Variants in EPHB2 observed in about 807,000 individuals in gnomAD.
EPHB2 encodes the protein ephrin type-B receptor 2.
Under a neutral mutation model 96.4 loss-of-function variants are expected in EPHB2, and 18 were observed. The ratio of observed to expected loss-of-function variants is 0.19; its 90% CI spans 0.13 to 0.28. The LOEUF (loss-of-function observed/expected upper bound fraction) is 0.28, where lower values mean the gene tolerates loss of function less well. Ranked by LOEUF, EPHB2 falls within the 10% of genes least tolerant of loss-of-function variation. The probability of loss-of-function intolerance (pLI) is 1.00; values close to 1 mark genes in which losing one functional copy is unlikely to be tolerated. For synonymous variants in EPHB2, 506 were observed against 534.1 expected (o/e 0.95, Z 0.72); for missense variants, 989 against 1,355.4 (o/e 0.73, Z 4.25).
At chr1:22,735,676 C>T (rs917626835) in intron 1 of EPHB2, among the ~76,000 whole-genome samples, 3 of 152,166 alleles carry the variant, frequency 2.0e-5, no homozygotes, top group African/African-American at 7.2e-5. Context: ...CTCAGCTCTA[C>T]ATGATGGGAA....
At chr1:22,746,780 C>A (rs945156750) in intron 1 of EPHB2, among the ~76,000 whole-genome samples, 4 of 152,156 alleles carry the variant, frequency 2.6e-5, no homozygotes, top group African/African-American at 9.7e-5. Context: ...TTCTTCATGA[C>A]CTTCCCACGA....
chr1:22,798,237 G>A (rs1021766627), intron 3 of EPHB2, among the ~76,000 whole-genome samples: 1 of 152,108 alleles, frequency 6.6e-6, no homozygotes, highest in Non-Finnish European at 1.5e-5. Context: ...TGGGAGTAAC[G>A]CTACTAACCA....
At chr1:22,889,080 G>C (rs1639313513) in intron 6 of EPHB2, among the ~76,000 whole-genome samples, 1 of 152,130 alleles carries the variant, frequency 6.6e-6, no homozygotes, top group East Asian at 1.9e-4. Context: ...GCTTGTGTCT[G>C]GGAGGTCGAG....
intron 1 of EPHB2, among the ~76,000 whole-genome samples, chr1:22,712,905 G>C (rs575775178): frequency 2.6e-5 from 4 of 152,312 alleles, no homozygotes; most frequent in African/African-American, 9.6e-5. Context: ...CGGTGCTGGA[G>C]GGGAAGAAAA....
At chr1:22,711,348 C>T (rs2148325470) in intron 1 of EPHB2, among the ~76,000 whole-genome samples, 1 of 148,286 alleles carries the variant, frequency 6.7e-6, no homozygotes, top group African/African-American at 2.4e-5. Context: ...TCGCCGCCCC[C>T]GGCTCGGGCA....
At chr1:22,832,988 G>A (rs925389173) in intron 3 of EPHB2, among the ~76,000 whole-genome samples, 3 of 152,138 alleles carry the variant, frequency 2.0e-5, no homozygotes, top group Non-Finnish European at 2.9e-5. Context: ...TTGTGCTCAT[G>A]TGGATGCCCC....
intron 1 of EPHB2, among the ~76,000 whole-genome samples, chr1:22,724,403 G>C (rs140475334): frequency 6.6e-6 from 1 of 152,338 alleles, no homozygotes; most frequent in African/African-American, 2.4e-5. Context: ...CTGGCACACA[G>C]TAGGACTTGA....
chr1:22,785,209 C>T, intron 3 of EPHB2, 133 bp downstream of exon 3: 1 of 1,132,434 alleles, frequency 8.8e-7, no homozygotes, highest in Non-Finnish European at 1.2e-6. Flanking sequence ...CCAGGGTTTC[C>T]AAACCAGCAA....
chr1:22,855,242 C>G (rs1225842836), intron 3 of EPHB2, among the ~76,000 whole-genome samples: 1 of 152,226 alleles, frequency 6.6e-6, no homozygotes, highest in African/African-American at 2.4e-5. Flanking sequence ...CGCCAGCCCC[C>G]CTACTCTGGG....
chr1:22,781,266 G>A (rs966886048), intron 1 of EPHB2, among the ~76,000 whole-genome samples, 155 bp from the exon 2 acceptor site: 15 of 146,266 alleles, frequency 1.0e-4, no homozygotes, highest in African/African-American at 3.8e-4. Context: ...CTTGCAGTGA[G>A]CCGAGATCAC....
chr1:22,742,521 T>C (rs576077914), intron 1 of EPHB2, among the ~76,000 whole-genome samples: 1 of 152,302 alleles, frequency 6.6e-6, no homozygotes, highest in East Asian at 1.9e-4. Flanking sequence ...AGTGTCTCAC[T>C]GTGTTGCTTA....
Position 22,847,926 on chromosome 1 carries a change from T to C in EPHB2, c.812-15111T>C, listed in dbSNP as rs2148505515. On this transcript the variant is annotated intron_variant, in intron 3 of 15. Transcript: ENST00000374630. The stretch of plus-strand genomic sequence containing the variant: ...TAATACCCTATTCAAGTGGCTCCTG[T>C]TCTGGAGAGCCTTCCTGGGTACCCC... Among the ~76,000 whole-genome samples, 3 of 152,246 alleles carry C rather than the reference T, an allele frequency of 2.0e-5. No homozygotes were observed. The Middle Eastern group carries it at 0.01, about 518-fold the overall frequency.
chr1:22,870,414 C>T (rs1638624589), intron 5 of EPHB2, among the ~76,000 whole-genome samples: 1 of 152,060 alleles, frequency 6.6e-6, no homozygotes, highest in Non-Finnish European at 1.5e-5. Flanking sequence ...AGTGGCAGAC[C>T]CAGGAGTCAG....
intron 3 of EPHB2, among the ~76,000 whole-genome samples, chr1:22,829,623 G>A (rs1645274396): frequency 6.6e-6 from 1 of 152,198 alleles, no homozygotes; most frequent in Non-Finnish European, 1.5e-5. Flanking sequence ...TGAGGTCACT[G>A]GGGAGGTGGA....
intron 5 of EPHB2, among the ~76,000 whole-genome samples, chr1:22,872,689 C>T (rs1490428140): frequency 1.3e-5 from 2 of 152,216 alleles, no homozygotes. Context: ...TGTGACACCA[C>T]TCCACATGGC....
intron 1 of EPHB2, among the ~76,000 whole-genome samples, chr1:22,729,274 A>T (rs1486073662): frequency 6.6e-6 from 1 of 152,224 alleles, no homozygotes; most frequent in Admixed American, 6.5e-5. Context: ...TGCTGGAAGG[A>T]GATGACCTTT....
intron 1 of EPHB2, 88 bp downstream of exon 1, chr1:22,711,131 C>G (rs1264095042): frequency 6.8e-6 from 1 of 146,118 alleles, no homozygotes; most frequent in East Asian, 2.0e-4. Flanking sequence ...CTCCGCGGCC[C>G]GCAAAGTTTG....
chr1:22,717,791 C>G (rs1643331020), intron 1 of EPHB2, among the ~76,000 whole-genome samples: 1 of 152,234 alleles, frequency 6.6e-6, no homozygotes, highest in South Asian at 2.1e-4. Flanking sequence ...GCCCTGATCA[C>G]TTTCTCTCCT....
At chr1:22,891,120 C>G (rs912115551) in intron 6 of EPHB2, 2 of 455,894 alleles carry the variant, frequency 4.4e-6, no homozygotes, top group Non-Finnish European at 8.8e-6. Flanking sequence ...TACTATCCCC[C>G]TTTTACAGAT....
Sources: gnomAD v4.1 joint callset for allele counts (sites outside exome capture counted in the v4.1 genomes callset) on GRCh38, gnomAD v4.1.1 for gene constraint, MANE v1.5 for transcripts, NCBI Gene and HGNC (gene_info 2026-07-23, HGNC 2026-07-21) for gene names.